The following DYRK3 variants were observed in gnomAD, a reference collection of about 807,000 sequenced individuals.
DYRK3 encodes the protein dual specificity tyrosine phosphorylation regulated kinase 3, also known as dual specificity tyrosine-phosphorylation-regulated kinase 3.
A neutral mutation model predicts 40.8 loss-of-function variants in DYRK3; 30 were observed. The ratio of observed to expected loss-of-function variants is 0.74; its 90% CI spans 0.55 to 1.00. The LOEUF is 1.00. Among genes scored for constraint, DYRK3 ranks in the 50% least tolerant of loss-of-function variants. The probability of loss-of-function intolerance (pLI) is 0.00; values close to 1 mark genes in which losing one functional copy is unlikely to be tolerated. For missense variants in DYRK3, 699 were observed against 731.5 expected, an observed-to-expected ratio of 0.96 and a Z score of 0.51; for synonymous variants, 272 against 260.7, an observed-to-expected ratio of 1.04 and a Z score of -0.42.
At position 206,648,710 on chromosome 1, in the gene DYRK3, C is replaced by G. The variant is rs1553420834; in HGVS notation, c.1512C>G (p.His504Gln). 6.2e-7 allele frequency: 1 copy of G among 1,614,044 alleles called. No individual in the cohort carries two copies. The highest frequency in any genetic ancestry group is 2.2e-5 in the East Asian group (1 of 44,878). Residue 504 changes from histidine (H) to glutamine (Q), a missense_variant, in exon 3 of 3, where the codon CAC (histidine) becomes CAG (glutamine). By Grantham distance (24) the His-to-Gln change is conservative. Transcript: ENST00000367109. ...LFIEFLKRCL[H>Q]WDPSARLTPA... Reference sequence around the variant, plus strand: ...TAGAGTTCTTGAAAAGGTGTCTTCACTGGGACCCCTCTGCCCGCTTGACCC... The same window carrying G: ...TAGAGTTCTTGAAAAGGTGTCTTCAGTGGGACCCCTCTGCCCGCTTGACCC...
At chr1:206,646,161 T>C (rs1341177763) in intron 2 of DYRK3, among the ~76,000 whole-genome samples, 8 of 152,230 alleles carry the variant, frequency 5.3e-5, no homozygotes, top group African/African-American at 1.9e-4. Context: ...AAAAATTTTA[T>C]TTTTTAAGGT....
rs955237983 is a variant in DYRK3 at position 206,649,948 on chromosome 1, C to A, written c.*983C>A. Among the ~76,000 whole-genome samples, 1 of 152,200 alleles carries A rather than the reference C, an allele frequency of 6.6e-6. No individual in the cohort carries two copies. The highest frequency in any genetic ancestry group is 1.5e-5 in the Non-Finnish European group (1 of 68,032). The stretch of plus-strand genomic sequence containing the variant: ...TGTGCCACATTTTTCCCCCCACTTT[C>A]ACGTTAAGCTTAATGCTATTCCCTA... On this transcript the variant is annotated 3_prime_UTR_variant, in exon 3 of 3. Coordinates refer to ENST00000367109, the MANE Select transcript of DYRK3 (RefSeq NM_003582.4).
rs1553420910 is a variant in DYRK3 at position 206,648,922 on chromosome 1, G to C, written c.1724G>C (p.Gly575Ala). ...GCTAACTTAATGTCAGAAACCAATG[G>C]TAGTATACCCCTATGCAGTGTATTG... ...LKANLMSETNGSIPLCSVLPK... is the reference protein window; with the variant it reads ...LKANLMSETNASIPLCSVLPK... The change falls in exon 3 of 3, where the codon GGT becomes GCT. Residue 575 changes from glycine to alanine, a missense_variant. Transcript: ENST00000367109. The C allele has an allele frequency of 6.2e-7, 1 of 1,613,982 alleles. No individual in the cohort carries two copies. Among genetic ancestry groups the C allele is most frequent in the Non-Finnish European group, 8.5e-7 (1 of 1,180,036 alleles).
chr1:206,647,411 A>C lies in DYRK3; in HGVS notation c.213A>C (p.Gly71=). Residue 71 remains glycine (G), a synonymous_variant, in exon 3 of 3, where the codon GGA becomes GGC. Coordinates refer to ENST00000367109, the MANE Select transcript of DYRK3 (RefSeq NM_003582.4). Reference sequence around the variant, plus strand: ...AGATGACCACTGAGCAGTTTACAGGAGATCATACTCAGCACTTTTTGGATG... The same window carrying C: ...AGATGACCACTGAGCAGTTTACAGGCGATCATACTCAGCACTTTTTGGATG... The part of the protein sequence containing the change: ...RLNMTTEQFT[G]DHTQHFLDGG... 1 of 1,612,968 alleles carries C rather than the reference A, an allele frequency of 6.2e-7. No individual in the cohort carries two copies. Among genetic ancestry groups the C allele is most frequent in the Non-Finnish European group, 8.5e-7 (1 of 1,179,398 alleles).
In DYRK3 at chr1:206,649,101, A is replaced by G. The variant is rs141705007; in HGVS notation, c.*136A>G. ...TTTTTAAACAAGACAAAACATTTTT[A>G]TATGATTATAAAAGAATTCTTCAAG... On this transcript the variant is annotated 3_prime_UTR_variant, in exon 3 of 3. Coordinates refer to ENST00000367109, the MANE Select transcript of DYRK3 (RefSeq NM_003582.4). 24 of 931,744 alleles carry G rather than the reference A, an allele frequency of 2.6e-5. No individual in the cohort carries two copies. The East Asian group carries it at 5.6e-4, about 22-fold the overall frequency. 57.7% of individuals were successfully genotyped at this position (931,744 alleles called of 1,614,324 possible).
Position 206,647,885 on chromosome 1 carries a change from C to T in DYRK3, c.687C>T (p.His229=), listed in dbSNP as rs1558558873. The T allele has an allele frequency of 6.2e-7, 1 of 1,613,966 alleles. No individual in the cohort carries two copies. The highest frequency in any genetic ancestry group is 1.1e-5 in the South Asian group (1 of 91,084). ...GGCAGGTGGCCAGGGTCTATGATCA[C>T]AAACTTCGACAGTACGTGGCCCTAA... ...SFGQVARVYD[H]KLRQYVALKM... is the part of the protein sequence containing the mutation. The change falls in exon 3 of 3, where the codon CAC becomes CAT. Residue 229 remains histidine (H), a synonymous_variant. Transcript: ENST00000367109.
chr1:206,648,063 G>A lies in DYRK3; in HGVS notation c.865G>A (p.Glu289Lys). The part of the protein sequence containing the change: ...TFRNHVCMAF[E>K]LLSIDLYELI... ...CCGGAACCATGTTTGCATGGCCTTT[G>A]AATTGCTGAGCATAGACCTTTATGA... The change falls in exon 3 of 3, where the codon GAA becomes AAA. Residue 289 changes from glutamate to lysine, a missense_variant. Glu to Lys is a moderately conservative substitution (Grantham distance 56). Coordinates refer to ENST00000367109, the MANE Select transcript of DYRK3 (RefSeq NM_003582.4). The A allele has an allele frequency of 6.2e-7, 1 of 1,614,088 alleles. No homozygotes were observed. Among genetic ancestry groups the A allele is most frequent in the Non-Finnish European group, 8.5e-7 (1 of 1,180,020 alleles).
Position 206,648,348 on chromosome 1 carries a change from A to G in DYRK3, c.1150A>G (p.Ser384Gly), listed in dbSNP as rs1553420680. 6.2e-7 allele frequency: 1 copy of G among 1,614,138 alleles called. No homozygotes were observed. Among genetic ancestry groups the G allele is most frequent in the Admixed American group, 1.7e-5 (1 of 60,020 alleles). The change falls in exon 3 of 3, where the codon AGC becomes GGC. Residue 384 changes from serine (S) to glycine (G), a missense_variant. Physicochemically the swap from Ser to Gly is moderately conservative, Grantham distance 56. Transcript: ENST00000367109. ...CAGAGCTCCAGAAATCATCTTAGGA[A>G]GCCGCTACAGCACACCAATTGACAT... is the stretch of plus-strand genomic sequence containing the variant. ...FYRAPEIILG[S>G]RYSTPIDIWS...
At chr1:206,639,110 C>T (rs1292877608) in intron 2 of DYRK3, among the ~76,000 whole-genome samples, 5 of 152,090 alleles carry the variant, frequency 3.3e-5, no homozygotes, top group African/African-American at 1.2e-4. Context: ...AACTCCTGAC[C>T]TTAAGTGGTC....
Position 206,650,588 on chromosome 1 carries a change from T to C in DYRK3, c.*1623T>C, listed in dbSNP as rs1181082913. Among the ~76,000 whole-genome samples the C allele has an allele frequency of 6.6e-6, 1 of 151,304 alleles. No homozygotes were observed. Among genetic ancestry groups the C allele is most frequent in the Non-Finnish European group, 1.5e-5 (1 of 67,732 alleles). On this transcript the variant is annotated 3_prime_UTR_variant, in exon 3 of 3. Transcript: ENST00000367109. ...TGTTCTTTAAAGTAGAATATTTGCT[T>C]TTTACAATATAGTTCTCAGAATGAT...
In DYRK3 at chr1:206,652,979, G is replaced by A. The variant is rs1363608684; in HGVS notation, c.*4014G>A. On this transcript the variant is annotated 3_prime_UTR_variant, in exon 3 of 3. Coordinates refer to ENST00000367109, the MANE Select transcript of DYRK3 (RefSeq NM_003582.4). ...AGTTGTTTCTGACACGGTGAGAGTT[G>A]GGTTAGAATTTTTATTTCATTCCCC... Among the ~76,000 whole-genome samples, 1 of 151,984 alleles carries A rather than the reference G, an allele frequency of 6.6e-6. No homozygotes were observed. The highest frequency in any genetic ancestry group is 6.6e-5 in the Admixed American group (1 of 15,258).
At chr1:206,638,509 C>T (rs183662256) in intron 2 of DYRK3, among the ~76,000 whole-genome samples, 51 of 150,980 alleles carry the variant, frequency 3.4e-4, no homozygotes, top group Non-Finnish European at 4.6e-4. Flanking sequence ...CTCCTGACCT[C>T]GTGATCCACC....
At chr1:206,645,172 G>C (rs1671413379) in intron 2 of DYRK3, among the ~76,000 whole-genome samples, 1 of 151,886 alleles carries the variant, frequency 6.6e-6, no homozygotes, top group African/African-American at 2.4e-5. Flanking sequence ...ATTGTTTTTT[G>C]TTATTTATTT....
In DYRK3 at chr1:206,639,582, C is replaced by T. The variant is rs983601364; in HGVS notation, c.189+1821C>T. 5.3e-5 allele frequency among the ~76,000 whole-genome samples: 8 copies of T among 151,730 alleles called. 1 individual carries two copies. In the South Asian group the frequency reaches 6.2e-4, roughly 12 times the overall value. ...GTTCAAGTGATTCTCCTGCTTCACCCTCCCAAGTAGCTGGGATTATAGGCA... is the reference window on the plus strand; with the variant it reads ...GTTCAAGTGATTCTCCTGCTTCACCTTCCCAAGTAGCTGGGATTATAGGCA... On this transcript the variant is annotated intron_variant, in intron 2 of 2. Coordinates refer to ENST00000367109, the MANE Select transcript of DYRK3 (RefSeq NM_003582.4).
chr1:206,636,210 G>A, intron 1 of DYRK3: 1 of 550,072 alleles, frequency 1.8e-6, no homozygotes, highest in Non-Finnish European at 3.4e-6. Flanking sequence ...GTGCGGTCTA[G>A]CTTCGAATGT....
rs1397669651 is a variant in DYRK3, at chr1:206,653,557, A to G, written c.*4592A>G. On this transcript the variant is annotated 3_prime_UTR_variant, in exon 3 of 3. Coordinates refer to ENST00000367109, the MANE Select transcript of DYRK3 (RefSeq NM_003582.4). The stretch of plus-strand genomic sequence containing the variant: ...AGATGATGGAAGCTCATTTCCTTCC[A>G]TGAACCAGGAGCATGCTCGCCTCTT... 6.6e-6 allele frequency among the ~76,000 whole-genome samples: 1 copy of G among 152,190 alleles called. No homozygotes were observed. Among genetic ancestry groups the G allele is most frequent in the Non-Finnish European group, 1.5e-5 (1 of 68,042 alleles).
chr1:206,648,593 G>T lies in DYRK3; in HGVS notation c.1395G>T (p.Val465=), dbSNP rs782522977. The T allele has an allele frequency of 1.9e-6, 3 of 1,614,014 alleles. No homozygotes were observed. The highest frequency in any genetic ancestry group is 2.5e-6 in the Non-Finnish European group (3 of 1,179,932). ...AGGCAGATGGGAGGGTTGTGCTTGT[G>T]GGGGGTCGCTCACGTAGGGGTAAAA... ...TTQADGRVVL[V]GGRSRRGKKR... The change falls in exon 3 of 3, where the codon GTG becomes GTT. Residue 465 remains valine, a synonymous_variant. Coordinates refer to ENST00000367109, the MANE Select transcript of DYRK3 (RefSeq NM_003582.4).
At position 206,635,697 on chromosome 1, in the gene DYRK3, C is replaced by G. The variant is rs201627141; in HGVS notation, c.-7C>G. 12 of 1,246,430 alleles carry G rather than the reference C, an allele frequency of 9.6e-6. No homozygotes were observed. The African/African-American group carries it at 1.4e-4, about 15-fold the overall frequency. The allele number at this position is 1,246,430 out of a possible 1,614,324, so 77.2% of individuals were successfully genotyped here. On this transcript the variant is annotated 5_prime_UTR_variant, in exon 1 of 3. Coordinates refer to ENST00000367109, the MANE Select transcript of DYRK3 (RefSeq NM_003582.4). ...GCCTCTCCCCGCGCGGGGTCCCGAG[C>G]TAGGAGATGGGAGGCACAGCTCGTG... is the stretch of plus-strand genomic sequence containing the variant.
chr1:206,638,986 TCTC>T lies in DYRK3; in HGVS notation c.189+1228_189+1230del, dbSNP rs548125669. Among the ~76,000 whole-genome samples the T allele has an allele frequency of 3.9e-4, 59 of 151,504 alleles. No homozygotes were observed. The East Asian group carries it at 9.5e-3, about 24-fold the overall frequency. ...CCTCCACCTCCCGGGTCCAAGCAAT[TCTC>T]CTGCCTCAGCCTTCCTGAGTAGCTG... On this transcript the variant is annotated intron_variant, in intron 2 of 2. Transcript: ENST00000367109.
Sources: gnomAD v4.1 joint callset for allele counts (sites outside exome capture counted in the v4.1 genomes callset) on GRCh38, gnomAD v4.1.1 for gene constraint, MANE v1.5 for transcripts, NCBI Gene and HGNC (gene_info 2026-07-23, HGNC 2026-07-21) for gene names.